MYO1E: variants seen among roughly 807,000 people sequenced by gnomAD.
MYO1E encodes myosin IE, also known as unconventional myosin-Ie.
A neutral mutation model predicts 151.1 loss-of-function variants in MYO1E; 68 were observed. That is an observed-to-expected ratio of 0.45 (90% CI 0.37 to 0.55). The LOEUF is 0.55. MYO1E is among the 20% of genes least tolerant of loss of function. The probability of loss-of-function intolerance (pLI) is 0.00; values close to 1 mark genes in which losing one functional copy is unlikely to be tolerated. For synonymous variants in MYO1E, 601 were observed against 501.7 expected (o/e 1.20, Z -2.64); for missense variants, 1,363 against 1,389.3 (o/e 0.98, Z 0.30).
At position 59,150,589 on chromosome 15, in the gene MYO1E, G is replaced by C. The variant is rs565569112; in HGVS notation, c.3080+3001C>G. 5.9e-5 allele frequency among the ~76,000 whole-genome samples: 9 copies of C among 152,290 alleles called. 1 individual carries two copies. The South Asian group carries it at 1.9e-3, about 32-fold the overall frequency. Reference sequence around the variant, plus strand: ...TGCCTACTTTGAGGCATCAAACTGGGCCTAGGTGGGATTGTGACTTAGTGA... The same window carrying C: ...TGCCTACTTTGAGGCATCAAACTGGCCCTAGGTGGGATTGTGACTTAGTGA... On this transcript the variant is annotated intron_variant, in intron 26 of 27. Coordinates refer to ENST00000288235, the MANE Select transcript of MYO1E (RefSeq NM_004998.4).
At chr15:59,257,178 A>G (rs2080198456) in intron 3 of MYO1E, among the ~76,000 whole-genome samples, 1 of 152,234 alleles carries the variant, frequency 6.6e-6, no homozygotes, top group Non-Finnish European at 1.5e-5. Context: ...ATTACTAAAA[A>G]GAGAAATACT....
intron 2 of MYO1E, among the ~76,000 whole-genome samples, chr15:59,265,498 A>G (rs1394509785): frequency 6.9e-6 from 1 of 145,414 alleles, no homozygotes; most frequent in Non-Finnish European, 1.5e-5. Context: ...GGAGATATTC[A>G]GGAAAAAAAA....
At chr15:59,170,320 C>T (rs1377547630) in intron 22 of MYO1E, among the ~76,000 whole-genome samples, 1 of 152,348 alleles carries the variant, frequency 6.6e-6, no homozygotes, top group South Asian at 2.1e-4. Flanking sequence ...ACAGCGACTA[C>T]ACACACCCTA....
chr15:59,162,548 A>G (rs2079543448), intron 23 of MYO1E, among the ~76,000 whole-genome samples: 1 of 151,388 alleles, frequency 6.6e-6, no homozygotes, highest in Non-Finnish European at 1.5e-5. Context: ...CAGGAGGCTG[A>G]GGCAGGAGAA....
At chr15:59,243,701 A>G (rs1169842793) in intron 4 of MYO1E, among the ~76,000 whole-genome samples, 3 of 152,198 alleles carry the variant, frequency 2.0e-5, no homozygotes, top group African/African-American at 7.2e-5. Flanking sequence ...GCTACTCCTG[A>G]GTCTTTACTG....
chr15:59,204,490 G>T (rs1461291841), intron 15 of MYO1E, among the ~76,000 whole-genome samples: 4 of 152,226 alleles, frequency 2.6e-5, no homozygotes, highest in South Asian at 4.1e-4. Context: ...TCTAGAAATT[G>T]TAAGATCTGG....
intron 24 of MYO1E, among the ~76,000 whole-genome samples, chr15:59,158,607 T>TA (rs1258204074): frequency 6.6e-6 from 1 of 152,212 alleles, no homozygotes; most frequent in East Asian, 1.9e-4. Context: ...TTTGAAATGT[T>TA]AGAGACAGTG....
chr15:59,295,625 G>A (rs769467192), intron 1 of MYO1E, among the ~76,000 whole-genome samples: 2 of 152,204 alleles, frequency 1.3e-5, no homozygotes, highest in South Asian at 2.1e-4. Context: ...ATGCCACCTC[G>A]CATTTGCTCC....
intron 1 of MYO1E, among the ~76,000 whole-genome samples, chr15:59,321,763 G>A (rs1315797851): frequency 6.6e-6 from 1 of 152,162 alleles, no homozygotes. Context: ...TTGCCAGAAG[G>A]CTATGTGGGA....
intron 4 of MYO1E, among the ~76,000 whole-genome samples, chr15:59,245,918 G>C (rs1902961652): frequency 6.6e-6 from 1 of 152,134 alleles, no homozygotes; most frequent in South Asian, 2.1e-4. Flanking sequence ...TGACCTTTTT[G>C]TTAAACAGAT....
intron 1 of MYO1E, among the ~76,000 whole-genome samples, chr15:59,273,631 G>C (rs2080301187): frequency 1.2e-5 from 1 of 84,522 alleles, no homozygotes; most frequent in South Asian, 3.0e-4. Context: ...GAGGAGACCA[G>C]AGGAGGAAGG....
chr15:59,218,097 A>G lies in MYO1E; in HGVS notation c.911-10T>C. On this transcript the variant is annotated splice_polypyrimidine_tract_variant and intron_variant, in intron 9 of 27. Transcript: ENST00000288235. Reference sequence around the variant, plus strand: ...GCAGGAAAAGCTAAAACTGTAGAACATAAAACAAAACATGACAATCTTTCA... The same window carrying G: ...GCAGGAAAAGCTAAAACTGTAGAACGTAAAACAAAACATGACAATCTTTCA... The G allele has an allele frequency of 6.2e-7, 1 of 1,613,988 alleles. No individual in the cohort carries two copies. The highest frequency in any genetic ancestry group is 8.5e-7 in the Non-Finnish European group (1 of 1,179,836).
intron 5 of MYO1E, among the ~76,000 whole-genome samples, chr15:59,233,758 GA>G (rs2058154328): frequency 6.8e-6 from 1 of 147,234 alleles, no homozygotes; most frequent in African/African-American, 2.5e-5. Flanking sequence ...CACAGGAATA[GA>G]GAAAAGCAAG....
intron 25 of MYO1E, among the ~76,000 whole-genome samples, chr15:59,157,616 T>C (rs2079516177): frequency 6.6e-6 from 1 of 152,250 alleles, no homozygotes; most frequent in East Asian, 1.9e-4. Flanking sequence ...AGCAGCCATC[T>C]TGTTATTCAT....
rs149436415 is a variant in MYO1E at position 59,293,761 on chromosome 15, G to C, written c.4-21312C>G. ...ACAAAACAAAAAACCCTGATATATGGGCCAGCTGTGGTGGCTCACGCCTGT... is the reference window on the plus strand; with the variant it reads ...ACAAAACAAAAAACCCTGATATATGCGCCAGCTGTGGTGGCTCACGCCTGT... On this transcript the variant is annotated intron_variant, in intron 1 of 27. Coordinates refer to ENST00000288235, the MANE Select transcript of MYO1E (RefSeq NM_004998.4). Among the ~76,000 whole-genome samples the C allele has an allele frequency of 1.6e-3, 236 of 152,188 alleles. 6 individuals are homozygous for C. The East Asian group carries it at 0.04, about 26-fold the overall frequency.
intron 3 of MYO1E, among the ~76,000 whole-genome samples, chr15:59,259,003 C>CCCAG (rs1219029323): frequency 2.0e-5 from 3 of 151,298 alleles, no homozygotes; most frequent in African/African-American, 7.3e-5. Flanking sequence ...CACCATGTTG[C>CCCAG]CCAGGCTGGT....
At chr15:59,284,686 G>A (rs1239973989) in intron 1 of MYO1E, among the ~76,000 whole-genome samples, 1 of 151,150 alleles carries the variant, frequency 6.6e-6, no homozygotes, top group Non-Finnish European at 1.5e-5. Flanking sequence ...TGTTGCCCAG[G>A]CTAGTCTCAA....
At chr15:59,360,563 G>A (rs2080879430) in intron 1 of MYO1E, among the ~76,000 whole-genome samples, 1 of 152,142 alleles carries the variant, frequency 6.6e-6, no homozygotes, top group South Asian at 2.1e-4. Flanking sequence ...AATGTAAAAT[G>A]TTTGTTATTC....
At chr15:59,208,936 G>T in intron 13 of MYO1E, 88 bp from the exon 14 acceptor site, 1 of 1,477,884 alleles carries the variant, frequency 6.8e-7, no homozygotes, top group Non-Finnish European at 9.3e-7. Context: ...CAAGGAAACA[G>T]CTCCCCAGAC....
Sources: gnomAD v4.1 joint callset for allele counts (sites outside exome capture counted in the v4.1 genomes callset) on GRCh38, gnomAD v4.1.1 for gene constraint, MANE v1.5 for transcripts, NCBI Gene and HGNC (gene_info 2026-07-23, HGNC 2026-07-21) for gene names.